Variants in MCCC1 observed in about 807,000 individuals in gnomAD.
The protein encoded by MCCC1 is methylcrotonyl-CoA carboxylase subunit 1, also known as methylcrotonoyl-CoA carboxylase subunit alpha, mitochondrial.
A neutral mutation model predicts 83.8 loss-of-function variants in MCCC1; 64 were observed. The observed-to-expected ratio is 0.76, with a 90% CI of 0.62 to 0.94. MCCC1 has a LOEUF of 0.94. Ranked by LOEUF, MCCC1 falls within the 40% of genes least tolerant of loss-of-function variation. The pLI is 0.00. For synonymous variants in MCCC1, 322 were observed against 315.4 expected (o/e 1.02, Z -0.22); for missense variants, 807 against 904.7 (o/e 0.89, Z 1.39).
At chr3:183,026,602 C>G (rs1712623478) in intron 14 of MCCC1, among the ~76,000 whole-genome samples, 1 of 152,068 alleles carries the variant, frequency 6.6e-6, no homozygotes, top group South Asian at 2.1e-4. Flanking sequence ...CCCAGCTACT[C>G]AGGGGGCTGA....
At chr3:183,114,633 C>A (rs760464403) in intron 1 of MCCC1, among the ~76,000 whole-genome samples, 25 of 152,214 alleles carry the variant, frequency 1.6e-4, no homozygotes, top group Non-Finnish European at 1.9e-4. Flanking sequence ...GTATTTTCCT[C>A]TCAAGTCCCT....
chr3:183,053,507 T>A (rs1715151714), intron 8 of MCCC1, among the ~76,000 whole-genome samples: 1 of 151,088 alleles, frequency 6.6e-6, no homozygotes, highest in African/African-American at 2.4e-5. Flanking sequence ...TAATTTAATT[T>A]AAAAATTTAA....
chr3:183,080,012 C>A (rs1235041072), intron 4 of MCCC1, among the ~76,000 whole-genome samples: 1 of 152,206 alleles, frequency 6.6e-6, no homozygotes, highest in East Asian at 1.9e-4. Flanking sequence ...CTGTACACAG[C>A]AGTCTGGCCT....
In MCCC1 at chr3:183,111,272, G is replaced by A. The variant is rs544233749; in HGVS notation, c.-102+4202C>T. Among the ~76,000 whole-genome samples the A allele has an allele frequency of 2.0e-5, 3 of 152,116 alleles. No homozygotes were observed. In the East Asian group the frequency reaches 5.8e-4, roughly 29 times the overall value. ...GTATTTGTTACCTTACAGGGTCATT[G>A]TGAAGATTAAATAAGTTATGTCAAA... On this transcript the variant is annotated intron_variant, in intron 1 of 17. Transcript: ENST00000492597.
intron 13 of MCCC1, among the ~76,000 whole-genome samples, chr3:183,034,399 C>G (rs1463811624): frequency 2.3e-5 from 3 of 131,750 alleles, no homozygotes; most frequent in Non-Finnish European, 4.6e-5. Flanking sequence ...TGCAGTGAGC[C>G]AAGATTGCGC....
At chr3:183,091,602 A>AC (rs1560279709) in intron 3 of MCCC1, among the ~76,000 whole-genome samples, 1 of 151,826 alleles carries the variant, frequency 6.6e-6, no homozygotes, top group African/African-American at 2.4e-5. Flanking sequence ...ACAAAACAAA[A>AC]AAAACTAGTA....
chr3:183,039,250 G>T, intron 11 of MCCC1, 115 bp from the exon 12 acceptor site: 2 of 995,302 alleles, frequency 2.0e-6, no homozygotes, highest in Non-Finnish European at 3.1e-6. Context: ...ACCCCTGCAT[G>T]ATAAATAACA....
At chr3:183,037,999 T>C (rs577151264) in intron 12 of MCCC1, among the ~76,000 whole-genome samples, 161 of 152,314 alleles carry the variant, frequency 1.1e-3, no homozygotes, top group African/African-American at 3.8e-3. Context: ...AAACCAGCTA[T>C]CTGAGCTTTG....
At chr3:183,036,439 C>T (rs963928673) in intron 13 of MCCC1, among the ~76,000 whole-genome samples, 2 of 149,762 alleles carry the variant, frequency 1.3e-5, no homozygotes, top group African/African-American at 4.9e-5. Context: ...GAGGACAAAA[C>T]AAAGTAGGGC....
chr3:183,056,285 G>C (rs991524725), intron 8 of MCCC1, among the ~76,000 whole-genome samples: 1 of 151,784 alleles, frequency 6.6e-6, no homozygotes, highest in Non-Finnish European at 1.5e-5. Context: ...TTTGAATATG[G>C]TATAAGAAAA....
In MCCC1 at chr3:183,015,536, C is replaced by T; in HGVS notation, c.2080G>A (p.Val694Ile). The change falls in exon 19 of 19, where the codon GTA becomes ATA. Residue 694 changes from valine (V) to isoleucine (I), a missense_variant. Physicochemically the swap from Val to Ile is conservative, Grantham distance 29 (BLOSUM62 3). Transcript: ENST00000265594. Reference sequence around the variant, plus strand: ...CCTTCTCTGTAGAACACTTTCTTTACTGTGCCATCCTTTGGAGACTTTATG... The same window carrying T: ...CCTTCTCTGTAGAACACTTTCTTTATTGTGCCATCCTTTGGAGACTTTATG... ...HTIKSPKDGT[V>I]KKVFYREGAQ... 1 of 1,614,094 alleles carries T rather than the reference C, an allele frequency of 6.2e-7. No homozygotes were observed. The highest frequency in any genetic ancestry group is 8.5e-7 in the Non-Finnish European group (1 of 1,179,982).
At chr3:183,045,634 T>C (rs1714498739) in intron 9 of MCCC1, 94 bp from the exon 10 acceptor site, 1 of 1,310,852 alleles carries the variant, frequency 7.6e-7, no homozygotes, top group Admixed American at 1.7e-5. Context: ...TTTACCGCTG[T>C]CTTCATTCAA....
intron 1 of MCCC1, among the ~76,000 whole-genome samples, chr3:183,110,312 T>C (rs1719471908): frequency 6.6e-6 from 1 of 152,164 alleles, no homozygotes; most frequent in Admixed American, 6.6e-5. Context: ...GTCACAAATC[T>C]TTTGCCAAGG....
intron 4 of MCCC1, among the ~76,000 whole-genome samples, chr3:183,084,808 G>C (rs1232820308): frequency 6.6e-6 from 1 of 152,046 alleles, no homozygotes; most frequent in Non-Finnish European, 1.5e-5. Flanking sequence ...TGTAGCTCTA[G>C]CTACTTGGGA....
chr3:183,032,818 G>A (rs1713191916), intron 14 of MCCC1, among the ~76,000 whole-genome samples: 1 of 151,168 alleles, frequency 6.6e-6, no homozygotes. Flanking sequence ...AGCTTGCAGT[G>A]AGCCAAGATC....
At position 183,045,523 on chromosome 3, in the gene MCCC1, T is replaced by A; in HGVS notation, c.973A>T (p.Met325Leu). 1.9e-6 allele frequency: 3 copies of A among 1,614,074 alleles called. No homozygotes were observed. Among genetic ancestry groups the A allele is most frequent in the South Asian group, 1.1e-5 (1 of 91,082 alleles). Residue 325 changes from methionine to leucine, a missense_variant, in exon 10 of 19, where the codon ATG (methionine) becomes TTG (leucine). Coordinates refer to ENST00000265594, the MANE Select transcript of MCCC1 (RefSeq NM_020166.5). ...YVGAGTVEFI[M>L]DSKHNFCFME... ...AAACAGAAATTATGTTTTGAGTCCA[T>A]AATAAACTCCACAGTCCCTAAAAGG... is the stretch of plus-strand genomic sequence containing the variant.
chr3:183,064,681 A>G lies in MCCC1; in HGVS notation c.761+6318T>C, dbSNP rs948816350. Among the ~76,000 whole-genome samples, 1 of 152,206 alleles carries G rather than the reference A, an allele frequency of 6.6e-6. No homozygotes were observed. Among genetic ancestry groups the G allele is most frequent in the Non-Finnish European group, 1.5e-5 (1 of 68,030 alleles). ...GCGGCCACACTGCCTCGGCCGACCC[A>G]CGTCCTGGCATGGCTGCTGGGCCCA... is the stretch of plus-strand genomic sequence containing the variant. On this transcript the variant is annotated intron_variant, in intron 7 of 18. Transcript: ENST00000265594. The surrounding 1 kb of genome is among the most constrained non-coding windows in gnomAD (Gnocchi z 4.5).
At chr3:183,094,709 T>A in intron 1 of MCCC1, 104 bp from the exon 2 acceptor site, 1 of 1,115,198 alleles carries the variant, frequency 9.0e-7, no homozygotes, top group African/African-American at 1.5e-5. Flanking sequence ...TTAAGCCAAC[T>A]AACAGTGCTT....
intron 14 of MCCC1, among the ~76,000 whole-genome samples, chr3:183,027,225 T>C (rs1712683368): frequency 1.3e-5 from 2 of 152,190 alleles, no homozygotes; most frequent in African/African-American, 4.8e-5. Context: ...TGACCAGCCA[T>C]TCCCCTGTCT....
Sources: gnomAD v4.1 joint callset for allele counts (sites outside exome capture counted in the v4.1 genomes callset) on GRCh38, gnomAD v4.1.1 for gene constraint, Gnocchi (gnomAD v3.1) non-coding constraint, MANE v1.5 for transcripts, NCBI Gene and HGNC (gene_info 2026-07-23, HGNC 2026-07-21) for gene names.